The following PRKCA variants were observed in gnomAD, a reference collection of about 807,000 sequenced individuals.
PRKCA encodes the protein protein kinase C alpha type.
In PRKCA, 27 loss-of-function variants were observed where a neutral mutation model predicts 87.0. That is an observed-to-expected ratio of 0.31 (90% CI 0.23 to 0.43). PRKCA has a LOEUF of 0.43. PRKCA is among the 20% of genes least tolerant of loss of function. The probability of loss-of-function intolerance (pLI) is 1.00; values close to 1 mark genes in which losing one functional copy is unlikely to be tolerated. For synonymous variants in PRKCA, 329 were observed against 311.1 expected, an observed-to-expected ratio of 1.06 and a Z score of -0.61; for missense variants, 518 against 852.3, an observed-to-expected ratio of 0.61 and a Z score of 4.88.
At chr17:66,617,985 T>G (rs1970560834) in intron 3 of PRKCA, among the ~76,000 whole-genome samples, 1 of 152,152 alleles carries the variant, frequency 6.6e-6, no homozygotes, top group Non-Finnish European at 1.5e-5. Flanking sequence ...GATTTTTAAG[T>G]CAAGGGCAAC....
intron 3 of PRKCA, among the ~76,000 whole-genome samples, chr17:66,566,493 T>TG (rs1471814224): frequency 2.7e-5 from 4 of 149,732 alleles, no homozygotes; most frequent in African/African-American, 9.8e-5. Flanking sequence ...TTTTTTTTTT[T>TG]TTTTTTTTTG....
chr17:66,592,824 G>A lies in PRKCA; in HGVS notation c.289-48531G>A, dbSNP rs527782749. On this transcript the variant is annotated intron_variant, in intron 3 of 16. Transcript: ENST00000413366. ...TTTTTATTTTTTGAGACAAAGTCTC[G>A]CTCTGTCGCCCAGGCTGGAGTGCAG... Among the ~76,000 whole-genome samples the A allele has an allele frequency of 5.3e-5, 8 of 152,152 alleles. No homozygotes were observed. In the South Asian group the frequency reaches 8.3e-4, roughly 16 times the overall value.
At chr17:66,742,246 T>A (rs1392634020) in intron 12 of PRKCA, among the ~76,000 whole-genome samples, 1 of 152,228 alleles carries the variant, frequency 6.6e-6, no homozygotes, top group Non-Finnish European at 1.5e-5. Flanking sequence ...GAAGTGGTTC[T>A]AAACCCGTGA....
rs1975937430 is a variant in PRKCA, at chr17:66,803,102, T to C, written c.1855-771T>C. ...CGGCTGTGTGTCTCAGCGACCCCAG[T>C]GCAACAGTTCTGCCTGGAGTGGACC... On this transcript the variant is annotated intron_variant, in intron 16 of 16. Coordinates refer to ENST00000413366, the MANE Select transcript of PRKCA (RefSeq NM_002737.3). The surrounding 1 kb of genome is among the most constrained non-coding windows in gnomAD (Gnocchi z 4.4). Among the ~76,000 whole-genome samples, 1 of 152,162 alleles carries C rather than the reference T, an allele frequency of 6.6e-6. No individual in the cohort carries two copies. The highest frequency in any genetic ancestry group is 2.4e-5 in the African/African-American group (1 of 41,432).
At chr17:66,711,429 G>A (rs1003295174) in intron 8 of PRKCA, among the ~76,000 whole-genome samples, 3 of 151,996 alleles carry the variant, frequency 2.0e-5, no homozygotes, top group African/African-American at 4.8e-5. Context: ...ATTTTTTAAT[G>A]TTTTCCCAAC....
intron 13 of PRKCA, among the ~76,000 whole-genome samples, chr17:66,746,818 G>A (rs1974299145): frequency 1.3e-5 from 2 of 152,184 alleles, no homozygotes; most frequent in Admixed American, 6.5e-5. Context: ...GAGAGTCCTT[G>A]AGCAGGCCAA....
At chr17:66,373,103 A>G (rs1341823860) in intron 2 of PRKCA, among the ~76,000 whole-genome samples, 1 of 152,160 alleles carries the variant, frequency 6.6e-6, no homozygotes, top group Non-Finnish European at 1.5e-5. Flanking sequence ...TATGGCTCAC[A>G]TGCATAATAA....
At chr17:66,364,433 G>A (rs1908580442) in intron 2 of PRKCA, 1 of 152,110 alleles carries the variant, frequency 6.6e-6, no homozygotes, top group Admixed American at 6.6e-5. Flanking sequence ...AAGGGGTTTT[G>A]TGCCAAAAAA....
chr17:66,470,266 G>A (rs949547514), intron 2 of PRKCA, among the ~76,000 whole-genome samples: 40 of 145,804 alleles, frequency 2.7e-4, no homozygotes, highest in Non-Finnish European at 4.6e-4. Flanking sequence ...GCACAATCTC[G>A]GTTCACTGTA....
intron 15 of PRKCA, chr17:66,787,284 G>A (rs1191241040): frequency 6.5e-6 from 3 of 461,254 alleles, no homozygotes; most frequent in African/African-American, 5.9e-5. Context: ...GCTATGCAGT[G>A]TTCCACTGTG....
intron 8 of PRKCA, among the ~76,000 whole-genome samples, chr17:66,718,013 C>G (rs1217298741): frequency 6.6e-6 from 1 of 152,202 alleles, no homozygotes; most frequent in Non-Finnish European, 1.5e-5. Context: ...CAGAAAAATG[C>G]CGTCAGAAGG....
At chr17:66,670,327 T>C (rs1251035139) in intron 5 of PRKCA, among the ~76,000 whole-genome samples, 1 of 152,170 alleles carries the variant, frequency 6.6e-6, no homozygotes, top group Non-Finnish European at 1.5e-5. Context: ...CTGTAACTCA[T>C]ATAAAAATTA....
intron 2 of PRKCA, among the ~76,000 whole-genome samples, chr17:66,487,250 C>T (rs944233341): frequency 3.3e-5 from 5 of 152,176 alleles, no homozygotes; most frequent in African/African-American, 1.2e-4. Flanking sequence ...TTAGCTCCCA[C>T]ATATGAGTGA....
chr17:66,457,103 C>T (rs910173086), intron 2 of PRKCA, among the ~76,000 whole-genome samples: 2 of 152,018 alleles, frequency 1.3e-5, no homozygotes, highest in Non-Finnish European at 2.9e-5. Flanking sequence ...ACTGATCATG[C>T]CAGAGCGATT....
intron 14 of PRKCA, among the ~76,000 whole-genome samples, chr17:66,784,268 CAG>C (rs1316044315): frequency 6.6e-6 from 1 of 152,178 alleles, no homozygotes; most frequent in East Asian, 1.9e-4. Context: ...GTTTTGGAAA[CAG>C]AGTCTTGCTC....
At chr17:66,800,084 T>C (rs1448252706) in intron 16 of PRKCA, among the ~76,000 whole-genome samples, 1 of 152,236 alleles carries the variant, frequency 6.6e-6, no homozygotes, top group East Asian at 1.9e-4. Context: ...CCGTGGTTGA[T>C]GTGGCTGAAC....
chr17:66,406,585 G>GTTTT (rs71160568), intron 2 of PRKCA, among the ~76,000 whole-genome samples: 1,674 of 70,132 alleles, frequency 0.024, 205 homozygotes, highest in Non-Finnish European at 0.033. Context: ...GCTTTTCCAG[G>GTTTT]TTTTTTTTTT....
intron 8 of PRKCA, among the ~76,000 whole-genome samples, chr17:66,715,734 G>GT (rs140265021): frequency 0.018 from 2,658 of 149,172 alleles, 71 homozygotes; most frequent in African/African-American, 0.061. Flanking sequence ...AAAGGATACA[G>GT]TTTTTTTTTT....
intron 2 of PRKCA, among the ~76,000 whole-genome samples, chr17:66,457,054 G>A (rs1260349166): frequency 1.3e-5 from 2 of 152,180 alleles, no homozygotes; most frequent in African/African-American, 4.8e-5. Context: ...CCATGGGAGG[G>A]TGCTTGGCAT....
Sources: allele counts gnomAD v4.1 joint callset (sites outside exome capture counted in the v4.1 genomes callset), GRCh38; gene constraint gnomAD v4.1.1; non-coding constraint Gnocchi (gnomAD v3.1); transcripts MANE v1.5; gene names NCBI Gene and HGNC (gene_info 2026-07-23, HGNC 2026-07-21).